Variants in WSCD2 observed in about 807,000 individuals in gnomAD.
WSCD2 encodes the protein sialate:O-sulfotransferase 2.
A neutral mutation model predicts 55.7 loss-of-function variants in WSCD2; 28 were observed. The ratio of observed to expected loss-of-function variants is 0.50; its 90% confidence interval spans 0.37 to 0.69. The LOEUF (loss-of-function observed/expected upper bound fraction) is 0.69, where lower values mean the gene tolerates loss of function less well. Ranked by LOEUF, WSCD2 falls within the 30% of genes least tolerant of loss-of-function variation. The pLI, the probability that WSCD2 is intolerant of heterozygous loss-of-function variation, is 0.00. For missense variants in WSCD2, 616 were observed against 762.1 expected (o/e 0.81, Z 2.26); for synonymous variants, 301 against 301.9 (o/e 1.00, Z 0.03).
In WSCD2 at chr12:108,185,670, G is replaced by A. The variant is rs563409247; in HGVS notation, c.-551-9612G>A. Among the ~76,000 whole-genome samples, 6 of 152,166 alleles carry A rather than the reference G, an allele frequency of 3.9e-5. No individual in the cohort carries two copies. In the South Asian group the frequency reaches 6.2e-4, roughly 16 times the overall value. On this transcript the variant is annotated intron_variant, in intron 1 of 8. Transcript: ENST00000547525. ...GTGAGTCAATGATAGCTTACTCTAC[G>A]CCATTCCCTTTCATCCTATCCTAGT... is the stretch of plus-strand genomic sequence containing the variant.
At chr12:108,246,421 C>T (rs1890087122) in intron 8 of WSCD2, among the ~76,000 whole-genome samples, 1 of 152,186 alleles carries the variant, frequency 6.6e-6, no homozygotes, top group Non-Finnish European at 1.5e-5. Flanking sequence ...AGCAGCAGGT[C>T]TCAGTTCATG....
At chr12:108,130,613 A>C (rs1875404861) in intron 1 of WSCD2, among the ~76,000 whole-genome samples, 1 of 151,988 alleles carries the variant, frequency 6.6e-6, no homozygotes, top group Non-Finnish European at 1.5e-5. Context: ...TCTTGGAAAG[A>C]GCCAACTCAC....
At chr12:108,214,448 G>T (rs1211513304) in intron 4 of WSCD2, among the ~76,000 whole-genome samples, 1 of 152,216 alleles carries the variant, frequency 6.6e-6, no homozygotes, top group Non-Finnish European at 1.5e-5. Context: ...CTTTGCCCTT[G>T]TTACAAAAGA....
At chr12:108,203,632 A>G (rs1397135255) in intron 2 of WSCD2, among the ~76,000 whole-genome samples, 2 of 152,082 alleles carry the variant, frequency 1.3e-5, no homozygotes, top group Non-Finnish European at 2.9e-5. Context: ...CCACCCCTTC[A>G]CTCCATGATG....
intron 3 of WSCD2, among the ~76,000 whole-genome samples, chr12:108,209,627 A>G (rs1885862012): frequency 6.6e-6 from 1 of 151,676 alleles, no homozygotes; most frequent in Non-Finnish European, 1.5e-5. Flanking sequence ...CTGGGTCTCT[A>G]TGTCCTCTAG....
chr12:108,144,060 A>AT (rs535109076), intron 1 of WSCD2, among the ~76,000 whole-genome samples: 2,054 of 148,298 alleles, frequency 0.014, 37 homozygotes, highest in African/African-American at 0.047. Flanking sequence ...ACATATCTTG[A>AT]TTTTTTTTTT....
chr12:108,136,510 G>A (rs147492716), intron 1 of WSCD2, among the ~76,000 whole-genome samples: 29 of 152,284 alleles, frequency 1.9e-4, no homozygotes, highest in Admixed American at 4.6e-4. Context: ...CCTGATCACC[G>A]TAGCTTGTGT....
chr12:108,212,986 G>T (rs1436977957), intron 4 of WSCD2, among the ~76,000 whole-genome samples: 1 of 152,138 alleles, frequency 6.6e-6, no homozygotes, highest in Admixed American at 6.5e-5. Flanking sequence ...GGCTACTAAG[G>T]CTGAGACTTA....
intron 2 of WSCD2, among the ~76,000 whole-genome samples, chr12:108,196,591 T>A (rs1370868071): frequency 6.6e-6 from 1 of 152,204 alleles, no homozygotes; most frequent in Non-Finnish European, 1.5e-5. Context: ...GCACTTTACA[T>A]ATATAGAAAC....
At chr12:108,187,244 TCA>T (rs1304872135) in intron 1 of WSCD2, among the ~76,000 whole-genome samples, 1 of 152,194 alleles carries the variant, frequency 6.6e-6, no homozygotes, top group African/African-American at 2.4e-5. Context: ...GGGGTGGGTG[TCA>T]CATACTAGAC....
chr12:108,189,392 C>T (rs1389262663), intron 1 of WSCD2: 1 of 152,100 alleles, frequency 6.6e-6, no homozygotes, highest in Non-Finnish European at 1.5e-5. Context: ...ATTTATACAC[C>T]AACTCCCATC....
chr12:108,213,444 T>C lies in WSCD2; in HGVS notation c.682+3139T>C, dbSNP rs561297122. On this transcript the variant is annotated intron_variant, in intron 4 of 8. Coordinates refer to ENST00000547525, the MANE Select transcript of WSCD2 (RefSeq NM_014653.4). ...AGCAAAGGTCATGTGTTGAATGCTATGTTGGAAGCACCTTTCTCACTGATG... is the reference window on the plus strand; with the variant it reads ...AGCAAAGGTCATGTGTTGAATGCTACGTTGGAAGCACCTTTCTCACTGATG... 1.9e-3 allele frequency among the ~76,000 whole-genome samples: 287 copies of C among 152,302 alleles called. 4 individuals carry two copies. Among genetic ancestry groups the C allele is most frequent in the Non-Finnish European group, 1.8e-3 (124 of 68,028 alleles).
intron 1 of WSCD2, among the ~76,000 whole-genome samples, chr12:108,163,202 T>C (rs1249045666): frequency 1.3e-5 from 2 of 151,980 alleles, no homozygotes; most frequent in Admixed American, 6.5e-5. Flanking sequence ...ATCCCGTCTC[T>C]ACTAAAAATA....
At chr12:108,246,853 G>A (rs1186521788) in intron 8 of WSCD2, among the ~76,000 whole-genome samples, 1 of 152,142 alleles carries the variant, frequency 6.6e-6, no homozygotes, top group East Asian at 1.9e-4. Flanking sequence ...GCTGTGGGGG[G>A]CTGCAGGGGA....
chr12:108,173,805 G>GCT (rs10658530), intron 1 of WSCD2, among the ~76,000 whole-genome samples: 6,883 of 127,480 alleles, frequency 0.054, 238 homozygotes, highest in Non-Finnish European at 0.07. Context: ...CTGATTCCTG[G>GCT]CTCTCTGTGT....
intron 4 of WSCD2, among the ~76,000 whole-genome samples, chr12:108,217,260 GA>G (rs1368396506): frequency 6.6e-6 from 1 of 152,216 alleles, no homozygotes; most frequent in Non-Finnish European, 1.5e-5. Flanking sequence ...TTGCAAACAA[GA>G]AAGCATCTTT....
At chr12:108,138,412 T>C (rs1876445314) in intron 1 of WSCD2, among the ~76,000 whole-genome samples, 1 of 152,230 alleles carries the variant, frequency 6.6e-6, no homozygotes, top group South Asian at 2.1e-4. Flanking sequence ...ACAGGTTCAC[T>C]TCCGATCCCA....
chr12:108,244,775 T>C (rs1889970436), intron 8 of WSCD2, among the ~76,000 whole-genome samples: 1 of 152,110 alleles, frequency 6.6e-6, no homozygotes, highest in Admixed American at 6.5e-5. Flanking sequence ...GTAGGCAGCC[T>C]AGAAGTCATG....
intron 4 of WSCD2, among the ~76,000 whole-genome samples, chr12:108,219,708 G>A (rs1027128095): frequency 6.6e-6 from 1 of 152,228 alleles, no homozygotes; most frequent in Non-Finnish European, 1.5e-5. Flanking sequence ...CTCAAGAAAG[G>A]ACCCACATTA....
Sources: gnomAD v4.1 joint callset for allele counts (sites outside exome capture counted in the v4.1 genomes callset) on GRCh38, gnomAD v4.1.1 for gene constraint, MANE v1.5 for transcripts, NCBI Gene and HGNC (gene_info 2026-07-23, HGNC 2026-07-21) for gene names.